The following DKKL1 variants were observed in gnomAD, a reference collection of about 807,000 sequenced individuals.
The protein encoded by DKKL1 is dickkopf like acrosomal protein 1.
Under a neutral mutation model 16.5 loss-of-function variants are expected in DKKL1, and 11 were observed. That is an observed-to-expected ratio of 0.67 (90% CI 0.42 to 1.10). The LOEUF is 1.10. Ranked by LOEUF, DKKL1 falls within the 50% of genes least tolerant of loss-of-function variation. DKKL1 has a pLI of 0.00. For synonymous variants in DKKL1, 119 were observed against 133.2 expected (o/e 0.89, Z 0.73); for missense variants, 320 against 308.1 (o/e 1.04, Z -0.29).
intron 3 of DKKL1, 21 bp downstream of exon 3, chr19:49,365,670 T>A (rs1287284668): frequency 1.9e-6 from 3 of 1,604,356 alleles, no homozygotes; most frequent in Non-Finnish European, 2.6e-6. Flanking sequence ...AGGGAAGCCC[T>A]TCCTGAAGTC....
chr19:49,364,244 G>A (rs2081002191), intron 1 of DKKL1, among the ~76,000 whole-genome samples: 2 of 151,916 alleles, frequency 1.3e-5, no homozygotes, highest in African/African-American at 4.8e-5. Context: ...CAGCTACTTC[G>A]GGGGGCTGAG....
upstream of DKKL1, chr19:49,362,467 A>C (rs1434393157): frequency 1.5e-5 from 2 of 131,684 alleles, no homozygotes; most frequent in African/African-American, 5.5e-5. Context: ...GAGGGACCGG[A>C]GGGGGGGGCG....
At chr19:49,374,407 T>C (rs1973639918) in intron 4 of DKKL1, among the ~76,000 whole-genome samples, 1 of 152,196 alleles carries the variant, frequency 6.6e-6, no homozygotes, top group African/African-American at 2.4e-5. Flanking sequence ...ACTGCTATCC[T>C]CTAAACCTCA....
chr19:49,363,677 T>C, upstream of DKKL1: 1 of 427,196 alleles, frequency 2.3e-6, no homozygotes, highest in Non-Finnish European at 4.4e-6. Context: ...GTGGTCTGAC[T>C]GTGTGGGCGT....
At chr19:49,370,471 T>A (rs927265243) in intron 4 of DKKL1, 1 of 149,276 alleles carries the variant, frequency 6.7e-6, no homozygotes, top group African/African-American at 2.5e-5. Flanking sequence ...TGAAGGCTGA[T>A]GAATTCACCA....
chr19:49,363,372 G>A (rs1294035464), upstream of DKKL1, among the ~76,000 whole-genome samples: 1 of 151,948 alleles, frequency 6.6e-6, no homozygotes, highest in Non-Finnish European at 1.5e-5. Flanking sequence ...GAAGGGACAC[G>A]GAGAAAAGGT....
rs773801801 is a variant in DKKL1 at position 49,364,558 on chromosome 19, C to A, written c.11-24C>A. ...GTGGGGGCGTGGCCACTGTGCGGGG[C>A]TCTGACCCCGACCCTTGCCACAGCC... On this transcript the variant is annotated intron_variant, in intron 1 of 4. Transcript: ENST00000221498. The A allele has an allele frequency of 1.9e-6, 3 of 1,597,690 alleles. No individual in the cohort carries two copies. In the South Asian group the frequency reaches 3.4e-5, roughly 18 times the overall value.
intron 4 of DKKL1, among the ~76,000 whole-genome samples, chr19:49,372,563 A>C (rs1353275665): frequency 1.3e-5 from 2 of 152,016 alleles, no homozygotes; most frequent in African/African-American, 4.8e-5. Flanking sequence ...GCATGGTGGC[A>C]GGCGCCTGTA....
intron 3 of DKKL1, 51 bp downstream of exon 3, chr19:49,365,700 C>G: frequency 1.3e-6 from 2 of 1,595,942 alleles, no homozygotes. Flanking sequence ...TCCCTCCATC[C>G]CGCCATCCCT....
At position 49,375,010 on chromosome 19, in the gene DKKL1, G is replaced by A. The variant is rs959083038; in HGVS notation, c.711G>A (p.Arg237=). ...PRKTHLLYIL[R]PSRQL ...AGACCCACTTACTGTACATCCTCAGGCCCTCTCGGCAGCTGTAGGGGTGGG... is the reference window on the plus strand; with the variant it reads ...AGACCCACTTACTGTACATCCTCAGACCCTCTCGGCAGCTGTAGGGGTGGG... The change falls in exon 5 of 5, where the codon AGG becomes AGA. Residue 237 remains arginine (R), a synonymous_variant. Coordinates refer to ENST00000221498, the MANE Select transcript of DKKL1 (RefSeq NM_014419.4). 6.2e-7 allele frequency: 1 copy of A among 1,608,110 alleles called. No homozygotes were observed. The highest frequency in any genetic ancestry group is 1.7e-5 in the Admixed American group (1 of 59,666).
chr19:49,363,882 T>A lies in DKKL1; in HGVS notation c.-117T>A, dbSNP rs1973124012. On this transcript the variant is annotated 5_prime_UTR_variant, in exon 1 of 5. Coordinates refer to ENST00000221498, the MANE Select transcript of DKKL1 (RefSeq NM_014419.4). Reference sequence around the variant, plus strand: ...CGCAACCAACGCTCTAGACCAGACCTGGGCTCGAGACCATAACTGTTTGGC... The same window carrying A: ...CGCAACCAACGCTCTAGACCAGACCAGGGCTCGAGACCATAACTGTTTGGC... 2 of 1,439,386 alleles carry A rather than the reference T, an allele frequency of 1.4e-6. No homozygotes were observed. Among genetic ancestry groups the A allele is most frequent in the South Asian group, 2.4e-5 (2 of 81,704 alleles). The allele number at this position is 1,439,386 out of a possible 1,614,324, so 89.2% of individuals were successfully genotyped here. A position where few individuals can be genotyped will look rare whatever the true frequency, so the allele number is the denominator to read the frequency against.
chr19:49,364,037 G>A (rs1447131132), intron 1 of DKKL1, 29 bp downstream of exon 1: 1 of 1,612,208 alleles, frequency 6.2e-7, no homozygotes, highest in Non-Finnish European at 8.5e-7. Flanking sequence ...TGGTGAACGT[G>A]GGCGAAAGTG....
chr19:49,365,871 G>T lies in DKKL1; in HGVS notation c.403G>T (p.Glu135Ter). The T allele has an allele frequency of 1.2e-6, 2 of 1,614,056 alleles. No homozygotes were observed. Among genetic ancestry groups the T allele is most frequent in the East Asian group, 2.2e-5 (1 of 44,878 alleles). Residue 135 changes from glutamate (E) to a stop codon, truncating the protein, a stop_gained, in exon 4 of 5, where the codon GAG becomes TAG. Transcript: ENST00000221498. LOFTEE classifies it low-confidence loss of function (END_TRUNC). Reference protein sequence around the residue: ...ASIQPAEGSFEGDLKVPRMEE... With the variant: ...ASIQPAEGSF The stretch of plus-strand genomic sequence containing the variant: ...CATTCAACCAGCGGAGGGGAGCTTC[G>T]AGGGTGATTTGAAGGTTAGGACGTG...
chr19:49,362,927 T>TTG (rs1973059206), upstream of DKKL1: 1 of 128,812 alleles, frequency 7.8e-6, no homozygotes, highest in African/African-American at 3.4e-5. Flanking sequence ...TTGTTTTTTG[T>TTG]TTTTTTTGTT....
intron 4 of DKKL1, among the ~76,000 whole-genome samples, chr19:49,367,255 C>G (rs1343122149): frequency 6.6e-6 from 1 of 152,072 alleles, no homozygotes; most frequent in Admixed American, 6.5e-5. Flanking sequence ...AGGCTGGTCT[C>G]GAACTCCTGA....
At chr19:49,360,871 G>A (rs1972824337), upstream of DKKL1, among the ~76,000 whole-genome samples, 1 of 138,586 alleles carries the variant, frequency 7.2e-6, no homozygotes, top group Non-Finnish European at 1.6e-5. Flanking sequence ...GACCAGTGAG[G>A]TGGGGATAGA....
At chr19:49,362,911 G>T (rs557262718), upstream of DKKL1, among the ~76,000 whole-genome samples, 8 of 137,082 alleles carry the variant, frequency 5.8e-5, no homozygotes, top group East Asian at 4.1e-4. Context: ...TTGGTTTTTG[G>T]TTTTTTTGTT....
upstream of DKKL1, chr19:49,362,197 C>G (rs1167495578): frequency 1.3e-5 from 2 of 152,794 alleles, no homozygotes; most frequent in Non-Finnish European, 2.9e-5. Context: ...CCAGAGTTCC[C>G]ACTCCTCACT....
rs148650779 is a variant in DKKL1 at position 49,365,871 on chromosome 19, G to A, written c.403G>A (p.Glu135Lys). The change falls in exon 4 of 5, where the codon GAG becomes AAG. Residue 135 changes from glutamate to lysine, a missense_variant. By Grantham distance (56) the Glu-to-Lys change is moderately conservative. Transcript: ENST00000221498. Reference sequence around the variant, plus strand: ...CATTCAACCAGCGGAGGGGAGCTTCGAGGGTGATTTGAAGGTTAGGACGTG... The same window carrying A: ...CATTCAACCAGCGGAGGGGAGCTTCAAGGGTGATTTGAAGGTTAGGACGTG... Reference protein sequence around the residue: ...ASIQPAEGSFEGDLKVPRMEE... With the variant: ...ASIQPAEGSFKGDLKVPRMEE... 4.8e-5 allele frequency: 78 copies of A among 1,614,056 alleles called. No homozygotes were observed. The highest frequency in any genetic ancestry group is 2.2e-5 in the South Asian group (2 of 91,060).
Sources: allele counts gnomAD v4.1 joint callset (sites outside exome capture counted in the v4.1 genomes callset), GRCh38; gene constraint gnomAD v4.1.1; transcripts MANE v1.5; gene names NCBI Gene and HGNC (gene_info 2026-07-23, HGNC 2026-07-21).